GALNT16: variants seen among roughly 807,000 people sequenced by gnomAD.
GALNT16 encodes polypeptide N-acetylgalactosaminyltransferase 16.
Under a neutral mutation model 76.1 loss-of-function variants are expected in GALNT16, and 40 were observed. The ratio of observed to expected loss-of-function variants is 0.53; its 90% CI spans 0.41 to 0.68. GALNT16 has a LOEUF of 0.68. GALNT16 is among the 30% of genes least tolerant of loss of function. GALNT16 has a pLI of 0.00. For synonymous variants in GALNT16, 276 were observed against 285.2 expected, an observed-to-expected ratio of 0.97 and a Z score of 0.32; for missense variants, 621 against 731.9, an observed-to-expected ratio of 0.85 and a Z score of 1.75.
intron 7 of GALNT16, among the ~76,000 whole-genome samples, chr14:69,331,893 T>C (rs528374885): frequency 3.5e-4 from 53 of 152,376 alleles, no homozygotes; most frequent in African/African-American, 1.3e-3. Context: ...ATGTGACAGC[T>C]GTCTTGAGGA....
At chr14:69,286,302 C>T (rs2044610630) in intron 1 of GALNT16, among the ~76,000 whole-genome samples, 1 of 131,420 alleles carries the variant, frequency 7.6e-6, no homozygotes, top group Non-Finnish European at 1.6e-5. Context: ...CATCCAAAGG[C>T]ACTTTTTTTT....
intron 1 of GALNT16, among the ~76,000 whole-genome samples, chr14:69,308,194 AT>A (rs1414275791): frequency 6.6e-6 from 1 of 152,202 alleles, no homozygotes; most frequent in Non-Finnish European, 1.5e-5. Flanking sequence ...GATGATGATG[AT>A]AATGATGACA....
intron 1 of GALNT16, among the ~76,000 whole-genome samples, chr14:69,267,859 T>C (rs144902246): frequency 1.3e-5 from 2 of 152,228 alleles, no homozygotes; most frequent in African/African-American, 4.8e-5. Flanking sequence ...TGAAATAATC[T>C]TGGACTTTGT....
chr14:69,281,124 C>T (rs575118591), intron 1 of GALNT16, among the ~76,000 whole-genome samples: 1 of 152,068 alleles, frequency 6.6e-6, no homozygotes, highest in East Asian at 1.9e-4. Context: ...GGACAGAGTC[C>T]GCGATCGTAC....
At position 69,339,622 on chromosome 14, in the gene GALNT16, G is replaced by A. The variant is rs1438688717; in HGVS notation, c.1187+3G>A. On this transcript the variant is annotated splice_donor_region_variant and intron_variant, in intron 11 of 14. Transcript: ENST00000448469. ...GCCATCGGGAAGGCCTTCGGCAGGT[G>A]GGCCCCCCCAGCTCCACTGTCTGAC... 2 of 1,575,648 alleles carry A rather than the reference G, an allele frequency of 1.3e-6. No homozygotes were observed. The highest frequency in any genetic ancestry group is 1.7e-6 in the Non-Finnish European group (2 of 1,151,522).
At chr14:69,298,492 T>A (rs1379891136) in intron 1 of GALNT16, 1 of 152,428 alleles carries the variant, frequency 6.6e-6, no homozygotes, top group African/African-American at 2.4e-5. Context: ...ATCTCTGCAC[T>A]TCACAATCAG....
At chr14:69,340,447 T>C (rs1211356232) in intron 11 of GALNT16, among the ~76,000 whole-genome samples, 2 of 152,160 alleles carry the variant, frequency 1.3e-5, no homozygotes, top group Non-Finnish European at 2.9e-5. Flanking sequence ...TGGTACTCGA[T>C]GCGTGGCGAA....
chr14:69,286,304 C>CTTTTTT (rs35362251), intron 1 of GALNT16, among the ~76,000 whole-genome samples: 1 of 142,128 alleles, frequency 7.0e-6, no homozygotes, highest in Non-Finnish European at 1.5e-5. Flanking sequence ...TCCAAAGGCA[C>CTTTTTT]TTTTTTTTTT....
chr14:69,286,622 G>A (rs2044616311), intron 1 of GALNT16, among the ~76,000 whole-genome samples: 1 of 152,060 alleles, frequency 6.6e-6, no homozygotes, highest in Admixed American at 6.6e-5. Flanking sequence ...TCTTATTTGT[G>A]CATTTTACAC....
intron 1 of GALNT16, among the ~76,000 whole-genome samples, chr14:69,313,366 G>T (rs1290988677): frequency 1.3e-5 from 2 of 152,252 alleles, no homozygotes; most frequent in African/African-American, 4.8e-5. Context: ...GCTGGGCAAA[G>T]GGCGGGAAAT....
chr14:69,327,682 G>A (rs917522167), intron 5 of GALNT16, among the ~76,000 whole-genome samples: 2 of 152,222 alleles, frequency 1.3e-5, no homozygotes, highest in Non-Finnish European at 2.9e-5. Flanking sequence ...CTTATACTCA[G>A]AGCTCTAAGA....
intron 1 of GALNT16, among the ~76,000 whole-genome samples, chr14:69,278,703 C>T (rs1017700750): frequency 3.9e-5 from 6 of 152,086 alleles, no homozygotes; most frequent in East Asian, 1.9e-4. Flanking sequence ...TTGGCAGTTT[C>T]GTATGGTCTA....
At chr14:69,309,579 T>A (rs111783525) in intron 1 of GALNT16, among the ~76,000 whole-genome samples, 1 of 152,350 alleles carries the variant, frequency 6.6e-6, no homozygotes, top group Non-Finnish European at 1.5e-5. Context: ...CCCAAAGTGC[T>A]GGGATTATGG....
chr14:69,276,046 A>G (rs575198530), intron 1 of GALNT16, among the ~76,000 whole-genome samples: 4 of 152,326 alleles, frequency 2.6e-5, no homozygotes, highest in Admixed American at 2.0e-4. Context: ...AAGCCATCAG[A>G]TCTCGTGAGA....
intron 1 of GALNT16, among the ~76,000 whole-genome samples, chr14:69,291,365 C>G (rs940404991): frequency 6.6e-6 from 1 of 152,120 alleles, no homozygotes; most frequent in South Asian, 2.1e-4. Flanking sequence ...ATCTAATAAG[C>G]CCCCCTCCCC....
At chr14:69,296,802 G>GAGAT (rs1555397909) in intron 1 of GALNT16, among the ~76,000 whole-genome samples, 23 of 108,460 alleles carry the variant, frequency 2.1e-4, no homozygotes, top group African/African-American at 3.4e-4. Flanking sequence ...CAGACAGATA[G>GAGAT]AGCTAGATAG....
intron 9 of GALNT16, among the ~76,000 whole-genome samples, chr14:69,334,078 T>C (rs1489830592): frequency 6.6e-6 from 1 of 152,250 alleles, no homozygotes; most frequent in Non-Finnish European, 1.5e-5. Context: ...CTTTAAAGTC[T>C]GAGTTTCCTC....
chr14:69,362,103 A>G, the GALNT16 span, among the ~76,000 whole-genome samples: 229 of 152,320 alleles, frequency 1.5e-3, no homozygotes, highest in African/African-American at 5.2e-3. Flanking sequence ...GTAGCTCTGG[A>G]GGCGATTGCG....
In GALNT16 at chr14:69,331,485, C is replaced by G. The variant is rs1194948792; in HGVS notation, c.712C>G (p.Pro238Ala). The G allele has an allele frequency of 6.2e-7, 1 of 1,606,332 alleles. No homozygotes were observed. Reference sequence around the variant, plus strand: ...CTAGGACCACACCCGCGTGGTGAGTCCCATCATTGATGTCATCAGTCTGGA... The same window carrying G: ...CTAGGACCACACCCGCGTGGTGAGTGCCATCATTGATGTCATCAGTCTGGA... ...VKEDHTRVVS[P>A]IIDVISLDNF... Residue 238 changes from proline (P) to alanine (A), a missense_variant, in exon 7 of 15, where the codon CCC (proline) becomes GCC (alanine). Pro to Ala is a conservative substitution (Grantham distance 27). Coordinates refer to ENST00000448469, the MANE Select transcript of GALNT16 (RefSeq NM_001168368.2).
Sources: gnomAD v4.1 joint callset for allele counts (sites outside exome capture counted in the v4.1 genomes callset) on GRCh38, gnomAD v4.1.1 for gene constraint, MANE v1.5 for transcripts, NCBI Gene and HGNC (gene_info 2026-07-23, HGNC 2026-07-21) for gene names.